The following DRD3 variants were observed in gnomAD, a reference collection of about 807,000 sequenced individuals.
DRD3 encodes the protein dopamine receptor D3.
In DRD3, 19 loss-of-function variants were observed where a neutral mutation model predicts 36.3. That is an observed-to-expected ratio of 0.52 (90% confidence interval 0.36 to 0.77). The LOEUF (loss-of-function observed/expected upper bound fraction) is 0.77. DRD3 is among the 30% of genes least tolerant of loss of function. The pLI, the probability that DRD3 is intolerant of heterozygous loss-of-function variation, is 0.00. For missense variants in DRD3, 465 were observed against 505.3 expected (o/e 0.92, Z 0.77); for synonymous variants, 195 against 203.7 (o/e 0.96, Z 0.36).
intron 5 of DRD3, 98 bp from the exon 6 acceptor site, chr3:114,131,498 G>A: frequency 6.8e-7 from 1 of 1,462,942 alleles, no homozygotes; most frequent in East Asian, 2.3e-5. Flanking sequence ...AAGGAAGACG[G>A]CAACACAGTT....
At chr3:114,129,292 A>C (rs2077405707) in intron 6 of DRD3, among the ~76,000 whole-genome samples, 1 of 152,060 alleles carries the variant, frequency 6.6e-6, no homozygotes, top group Non-Finnish European at 1.5e-5. Context: ...GTGGTGAGCC[A>C]AGATTGCGCC....
rs541727439 is a variant in DRD3 at position 114,138,303 on chromosome 3, T to C, written c.723+1197A>G. Among the ~76,000 whole-genome samples, 52 of 152,278 alleles carry C rather than the reference T, an allele frequency of 3.4e-4. No individual in the cohort carries two copies. In the South Asian group the frequency reaches 0.01, roughly 30 times the overall value. ...CCTTTCCTGAGTGTATTAGCCTGTT[T>C]TCATGCTGCTAATAAAGACATACCT... On this transcript the variant is annotated intron_variant, in intron 5 of 6. Transcript: ENST00000383673.
At chr3:114,152,714 G>A (rs2077629258) in intron 3 of DRD3, among the ~76,000 whole-genome samples, 1 of 152,180 alleles carries the variant, frequency 6.6e-6, no homozygotes, top group South Asian at 2.1e-4. Context: ...GGGAAAGCCC[G>A]GCGCCCTGCT....
At chr3:114,176,441 A>G (rs942047973) in intron 1 of DRD3, among the ~76,000 whole-genome samples, 3 of 152,080 alleles carry the variant, frequency 2.0e-5, no homozygotes, top group African/African-American at 7.2e-5. Context: ...TTGCAAAAAT[A>G]AAAGAAAAGA....
intron 4 of DRD3, among the ~76,000 whole-genome samples, chr3:114,144,367 C>T (rs1021019148): frequency 6.6e-6 from 1 of 152,126 alleles, no homozygotes; most frequent in African/African-American, 2.4e-5. Context: ...AGGATCCTGC[C>T]CTCTCCCCCT....
At chr3:114,171,362 A>C (rs949961939) in intron 2 of DRD3, among the ~76,000 whole-genome samples, 1 of 151,952 alleles carries the variant, frequency 6.6e-6, no homozygotes, top group African/African-American at 2.4e-5. Context: ...TACATTAAAC[A>C]CTGGTGAAGA....
intron 4 of DRD3, among the ~76,000 whole-genome samples, chr3:114,142,310 C>T (rs1389599363): frequency 6.6e-6 from 1 of 152,148 alleles, no homozygotes; most frequent in Non-Finnish European, 1.5e-5. Context: ...ACATGTCTCA[C>T]GTGTGAGAAG....
chr3:114,154,826 C>A (rs1356385839), intron 3 of DRD3, among the ~76,000 whole-genome samples: 1 of 152,146 alleles, frequency 6.6e-6, no homozygotes, highest in East Asian at 1.9e-4. Context: ...CCTCTTCTGA[C>A]ACATTCTCAG....
At chr3:114,136,668 A>G (rs2077477451) in intron 5 of DRD3, among the ~76,000 whole-genome samples, 1 of 152,182 alleles carries the variant, frequency 6.6e-6, no homozygotes, top group Admixed American at 6.5e-5. Flanking sequence ...CATTAACTAT[A>G]CTGAGATTGA....
intron 4 of DRD3, among the ~76,000 whole-genome samples, chr3:114,140,012 C>T (rs1289289761): frequency 6.6e-6 from 1 of 152,198 alleles, no homozygotes; most frequent in Non-Finnish European, 1.5e-5. Flanking sequence ...TGATCCCTTT[C>T]ATAGGATGTC....
chr3:114,180,867 T>C (rs560609003), upstream of DRD3, among the ~76,000 whole-genome samples: 8 of 152,234 alleles, frequency 5.3e-5, 1 homozygote, highest in African/African-American at 1.7e-4. Flanking sequence ...GTCTGACATA[T>C]AAAAGCAGGG....
intron 1 of DRD3, among the ~76,000 whole-genome samples, chr3:114,190,444 A>T (rs867762710): frequency 8.4e-5 from 1 of 11,912 alleles, no homozygotes; most frequent in African/African-American, 4.6e-4. Context: ...ATATATATAT[A>T]TATATATATA....
chr3:114,172,510 A>G (rs573215781), intron 1 of DRD3, among the ~76,000 whole-genome samples: 49 of 152,312 alleles, frequency 3.2e-4, no homozygotes, highest in South Asian at 6.2e-4. Flanking sequence ...TAGAAGTCAT[A>G]GGAGGGAGTC....
intron 6 of DRD3, among the ~76,000 whole-genome samples, chr3:114,129,756 C>A (rs1256550202): frequency 6.6e-6 from 1 of 152,122 alleles, no homozygotes; most frequent in African/African-American, 2.4e-5. Flanking sequence ...TTTTTAATTT[C>A]TTTATTTAAA....
chr3:114,177,862 C>A (rs533054833), intron 1 of DRD3, among the ~76,000 whole-genome samples: 1 of 152,288 alleles, frequency 6.6e-6, no homozygotes, highest in African/African-American at 2.4e-5. Flanking sequence ...TATCTAAGGA[C>A]AGATATTTTA....
chr3:114,163,446 G>A (rs1033564876), intron 2 of DRD3, among the ~76,000 whole-genome samples: 34 of 152,218 alleles, frequency 2.2e-4, no homozygotes, highest in African/African-American at 7.5e-4. Flanking sequence ...GAAGGGTTGA[G>A]TAATTTGCCA....
chr3:114,137,034 C>T (rs1261239863), intron 5 of DRD3, among the ~76,000 whole-genome samples: 1 of 152,172 alleles, frequency 6.6e-6, no homozygotes, highest in African/African-American at 2.4e-5. Context: ...AAGGTCAAGT[C>T]CAATAGTCAT....
rs533383846 is a variant in DRD3 at position 114,187,412 on chromosome 3, A to G, written c.-155-8636T>C. Among the ~76,000 whole-genome samples, 429 of 152,350 alleles carry G rather than the reference A, an allele frequency of 2.8e-3. 2 individuals are homozygous for G. The highest frequency in any genetic ancestry group is 5.5e-3 in the Non-Finnish European group (377 of 68,036). ...CTGCAATCCATTTTCTGTGGGTTAC[A>G]CTGTCTAATCTTCAAAAGTTCAGTT... On this transcript the variant is annotated intron_variant, in intron 1 of 7. Coordinates refer to the DRD3 transcript ENST00000460779.
At chr3:114,179,383 G>A (rs922188545), upstream of DRD3, among the ~76,000 whole-genome samples, 6 of 152,162 alleles carry the variant, frequency 3.9e-5, no homozygotes, top group South Asian at 4.1e-4. Flanking sequence ...GAGGCATGGC[G>A]TATAACTGGC....
Sources: allele counts gnomAD v4.1 joint callset (sites outside exome capture counted in the v4.1 genomes callset), GRCh38; gene constraint gnomAD v4.1.1; transcripts MANE v1.5; gene names NCBI Gene and HGNC (gene_info 2026-07-23, HGNC 2026-07-21).